SEL1L3: variants seen among roughly 807,000 people sequenced by gnomAD.
SEL1L3 encodes SEL1L family member 3, also known as protein sel-1 homolog 3.
A neutral mutation model predicts 142.8 loss-of-function variants in SEL1L3; 76 were observed. The observed-to-expected ratio is 0.53, with a 90% CI of 0.44 to 0.64. SEL1L3 has a LOEUF of 0.64. Ranked by LOEUF, SEL1L3 falls within the 30% of genes least tolerant of loss-of-function variation. The pLI is 0.00. For synonymous variants in SEL1L3, 504 were observed against 519.6 expected (o/e 0.97, Z 0.41); for missense variants, 1,262 against 1,381.7 (o/e 0.91, Z 1.37).
chr4:25,723,594 A>G, the SEL1L3 span, among the ~76,000 whole-genome samples: 4 of 152,180 alleles, frequency 2.6e-5, no homozygotes, highest in South Asian at 2.1e-4. Context: ...TGAGAATGCA[A>G]TTGTGGTCAT....
At chr4:25,792,818 C>A (rs1436158679) in intron 11 of SEL1L3, among the ~76,000 whole-genome samples, 1 of 152,218 alleles carries the variant, frequency 6.6e-6, no homozygotes, top group Non-Finnish European at 1.5e-5. Context: ...CAGATCCCCT[C>A]AGTCTGATAT....
chr4:25,843,916 G>A (rs900502482), intron 2 of SEL1L3, among the ~76,000 whole-genome samples: 2 of 152,264 alleles, frequency 1.3e-5, no homozygotes, highest in Non-Finnish European at 2.9e-5. Context: ...CAAAGCCAGC[G>A]ATGGAGGCCC....
At chr4:25,845,336 A>C (rs1244549064) in intron 2 of SEL1L3, among the ~76,000 whole-genome samples, 2 of 152,194 alleles carry the variant, frequency 1.3e-5, no homozygotes, top group African/African-American at 4.8e-5. Flanking sequence ...CTCTACAAAA[A>C]AATAAAAAAA....
At chr4:25,723,223 C>A in the SEL1L3 span, among the ~76,000 whole-genome samples, 2 of 152,164 alleles carry the variant, frequency 1.3e-5, no homozygotes, top group African/African-American at 2.4e-5. Flanking sequence ...TGGGTGTTAT[C>A]TCTGTTGATT....
chr4:25,852,508 T>C (rs1414520355), intron 1 of SEL1L3, among the ~76,000 whole-genome samples: 5 of 152,168 alleles, frequency 3.3e-5, no homozygotes, highest in African/African-American at 1.2e-4. Flanking sequence ...CAGTGTTAAG[T>C]CCACAACAGA....
At chr4:25,861,353 T>C (rs1283630182) in intron 1 of SEL1L3, among the ~76,000 whole-genome samples, 1 of 152,242 alleles carries the variant, frequency 6.6e-6, no homozygotes, top group Non-Finnish European at 1.5e-5. Context: ...CAATTTGATA[T>C]TGGCTAATTC....
In SEL1L3 at chr4:25,782,282, T is replaced by C. The variant is rs1720056514; in HGVS notation, c.2417A>G (p.His806Arg). 1.9e-6 allele frequency: 3 copies of C among 1,613,914 alleles called. No individual in the cohort carries two copies. Among genetic ancestry groups the C allele is most frequent in the Non-Finnish European group, 2.5e-6 (3 of 1,179,808 alleles). ...PDASYNLGVLHLDGIFPGVPG... is the reference protein window; with the variant it reads ...PDASYNLGVLRLDGIFPGVPG... ...AACTCCAGGGAAGATGCCATCCAAA[T>C]GCAGGACTCCAAGATTGTATGACGC... Residue 806 changes from histidine to arginine, a missense_variant, in exon 15 of 24, where the codon CAT becomes CGT. Physicochemically the swap from His to Arg is conservative, Grantham distance 29. This residue lies in a region of SEL1L3 where 435 missense variants were observed against 559.2 expected (regional missense o/e 0.78). Transcript: ENST00000399878.
intron 9 of SEL1L3, among the ~76,000 whole-genome samples, chr4:25,813,525 A>G (rs1714170021): frequency 6.6e-6 from 1 of 152,232 alleles, no homozygotes; most frequent in Non-Finnish European, 1.5e-5. Context: ...ACTCATCGAA[A>G]TAAAAAGCAG....
intron 2 of SEL1L3, among the ~76,000 whole-genome samples, chr4:25,836,990 A>T (rs963756879): frequency 2.0e-5 from 3 of 152,146 alleles, no homozygotes; most frequent in Admixed American, 6.5e-5. Flanking sequence ...CAGTAGCCAC[A>T]AATCTTCATG....
intron 1 of SEL1L3, among the ~76,000 whole-genome samples, chr4:25,861,477 C>G (rs1717701598): frequency 1.3e-5 from 2 of 152,108 alleles, no homozygotes; most frequent in Non-Finnish European, 2.9e-5. Context: ...AAGTAAAAAA[C>G]GTTAAAAGAA....
At chr4:25,822,256 G>A (rs1443925784) in intron 6 of SEL1L3, 128 bp from the exon 7 acceptor site, 1 of 1,062,588 alleles carries the variant, frequency 9.4e-7, no homozygotes, top group South Asian at 1.5e-5. Flanking sequence ...AGTTTTAGCA[G>A]ATGAGACCAG....
rs568476009 is a variant in SEL1L3, at chr4:25,840,946, G to A, written c.734-5623C>T. Among the ~76,000 whole-genome samples the A allele has an allele frequency of 1.8e-4, 27 of 151,860 alleles. No individual in the cohort carries two copies. In the South Asian group the frequency reaches 5.4e-3, roughly 31 times the overall value. On this transcript the variant is annotated intron_variant, in intron 2 of 23. Coordinates refer to ENST00000399878, the MANE Select transcript of SEL1L3 (RefSeq NM_015187.5). ...AGGCTTATCACCATTTCCCAATCCG[G>A]AATTTTCTCCTTTGTGTGCCACAGC...
intron 9 of SEL1L3, among the ~76,000 whole-genome samples, chr4:25,812,418 T>C (rs373964967): frequency 1.3e-5 from 2 of 152,156 alleles, no homozygotes; most frequent in South Asian, 2.1e-4. Context: ...ACAGTAGAGC[T>C]TGGATGTCCT....
rs757471840 is a variant in SEL1L3 at position 25,748,267 on chromosome 4, T to C, written c.*158A>G. On this transcript the variant is annotated 3_prime_UTR_variant, in exon 24 of 24. Coordinates refer to ENST00000399878, the MANE Select transcript of SEL1L3 (RefSeq NM_015187.5). ...CCACTGCCTGATCTGGGTACTTCCT[T>C]GTAATTTGACTTTAAAAAAAATGAC... 4.5e-6 allele frequency: 3 copies of C among 673,156 alleles called. No homozygotes were observed. The highest frequency in any genetic ancestry group is 3.6e-5 in the African/African-American group (2 of 55,210). The allele number at this position is 673,156 out of a possible 1,614,324, so 41.7% of individuals were successfully genotyped here. A position where few individuals can be genotyped will look rare whatever the true frequency, so the allele number is the denominator to read the frequency against.
chr4:25,786,177 C>T (rs1711810817), intron 13 of SEL1L3, among the ~76,000 whole-genome samples: 1 of 152,156 alleles, frequency 6.6e-6, no homozygotes, highest in Non-Finnish European at 1.5e-5. Flanking sequence ...CTGGAATGAA[C>T]CACAGCTGCC....
intron 9 of SEL1L3, among the ~76,000 whole-genome samples, chr4:25,817,801 C>T (rs1319755907): frequency 1.3e-5 from 2 of 152,044 alleles, no homozygotes; most frequent in African/African-American, 2.4e-5. Context: ...TTTTAGATAA[C>T]TGATTTTTTT....
chr4:25,715,851 TA>T, the SEL1L3 span, among the ~76,000 whole-genome samples: 108 of 152,210 alleles, frequency 7.1e-4, no homozygotes, highest in Non-Finnish European at 1.4e-3. Context: ...ATATTTGGAT[TA>T]AAAAAGTGAA....
the SEL1L3 span, among the ~76,000 whole-genome samples, chr4:25,730,313 T>C: frequency 6.6e-6 from 1 of 152,176 alleles, no homozygotes; most frequent in Non-Finnish European, 1.5e-5. Context: ...TTGGAATGCA[T>C]TTCCTTTATT....
chr4:25,835,245 C>T lies in SEL1L3; in HGVS notation c.812G>A (p.Arg271Gln), dbSNP rs747247821. The T allele has an allele frequency of 1.2e-5, 20 of 1,613,870 alleles. No homozygotes were observed. The highest frequency in any genetic ancestry group is 5.3e-5 in the African/African-American group (4 of 74,918). ...TGIVKKFPRF[R>Q]NRELEATRRQ... is the part of the protein sequence containing the mutation. ...TCGAGTGGCCTCCAGCTCTCGGTTC[C>T]GAAACCTCGGGAACTTCTTGACAAT... is the stretch of plus-strand genomic sequence containing the variant. Residue 271 changes from arginine to glutamine, a missense_variant, in exon 3 of 24, where the codon CGG (arginine) becomes CAG (glutamine). Transcript: ENST00000399878.
Sources: gnomAD v4.1 joint callset for allele counts (sites outside exome capture counted in the v4.1 genomes callset) on GRCh38, gnomAD v4.1.1 for gene constraint, gnomAD v4.1.1 regional missense constraint, MANE v1.5 for transcripts, NCBI Gene and HGNC (gene_info 2026-07-23, HGNC 2026-07-21) for gene names.